Variants in CAMK4 observed in about 807,000 individuals in gnomAD.
CAMK4 encodes calcium/calmodulin-dependent protein kinase type IV.
A neutral mutation model predicts 44.9 loss-of-function variants in CAMK4; 22 were observed. That is an observed-to-expected ratio of 0.49 (90% CI 0.35 to 0.70). CAMK4 has a LOEUF of 0.70. Among genes scored for constraint, CAMK4 ranks in the 30% least tolerant of loss-of-function variants. The pLI, the probability that CAMK4 is intolerant of heterozygous loss-of-function variation, is 0.01. For synonymous variants in CAMK4, 218 were observed against 215.4 expected (o/e 1.01, Z -0.11); for missense variants, 498 against 586.8 (o/e 0.85, Z 1.56).
rs139804054 is a variant in CAMK4, at chr5:111,475,967, A to G, written c.702-2414A>G. On this transcript the variant is annotated intron_variant, in intron 8 of 10. Coordinates refer to ENST00000282356, the MANE Select transcript of CAMK4 (RefSeq NM_001744.6). ...AGTAACCAAATGAAGAATTAGAACT[A>G]AAGATCCATTTTGTTAATGCTTCCT... is the stretch of plus-strand genomic sequence containing the variant. Among the ~76,000 whole-genome samples, 7 of 152,340 alleles carry G rather than the reference A, an allele frequency of 4.6e-5. No homozygotes were observed. In the East Asian group the frequency reaches 1.3e-3, roughly 29 times the overall value.
chr5:111,387,633 A>C (rs769072601), intron 4 of CAMK4, among the ~76,000 whole-genome samples: 2 of 152,206 alleles, frequency 1.3e-5, no homozygotes, highest in African/African-American at 4.8e-5. Flanking sequence ...ATGATAGTGA[A>C]CATAGGCAAA....
intron 1 of CAMK4, among the ~76,000 whole-genome samples, chr5:111,242,273 AT>A (rs1749034433): frequency 6.6e-6 from 1 of 152,158 alleles, no homozygotes; most frequent in Non-Finnish European, 1.5e-5. Context: ...CAAGTCACTT[AT>A]CCTTTCTGAG....
chr5:111,240,878 T>C (rs1748958333), intron 1 of CAMK4, among the ~76,000 whole-genome samples: 1 of 152,224 alleles, frequency 6.6e-6, no homozygotes, highest in Non-Finnish European at 1.5e-5. Flanking sequence ...TAGATATTAA[T>C]AGAACCCCCA....
At chr5:111,389,759 T>C (rs141610552) in intron 4 of CAMK4, among the ~76,000 whole-genome samples, 1 of 152,346 alleles carries the variant, frequency 6.6e-6, no homozygotes, top group Non-Finnish European at 1.5e-5. Flanking sequence ...ATTTAACAGC[T>C]ATTCTTCTCC....
chr5:111,377,299 TA>T (rs1751250039), intron 4 of CAMK4, among the ~76,000 whole-genome samples: 2 of 152,082 alleles, frequency 1.3e-5, no homozygotes, highest in African/African-American at 4.8e-5. Flanking sequence ...TTGAAAATTA[TA>T]AAAAATTAAA....
chr5:111,228,846 C>G (rs1334359283), intron 1 of CAMK4, among the ~76,000 whole-genome samples: 1 of 152,124 alleles, frequency 6.6e-6, no homozygotes, highest in Non-Finnish European at 1.5e-5. Flanking sequence ...GAAAAAGGCT[C>G]CTATCTTTGC....
chr5:111,445,895 T>C (rs901413879), intron 5 of CAMK4, among the ~76,000 whole-genome samples: 4 of 152,160 alleles, frequency 2.6e-5, no homozygotes, highest in Non-Finnish European at 5.9e-5. Flanking sequence ...AACAAACTTT[T>C]TGGGAAAAAA....
intron 1 of CAMK4, among the ~76,000 whole-genome samples, chr5:111,309,619 G>C (rs1457432598): frequency 6.6e-6 from 1 of 151,988 alleles, no homozygotes; most frequent in Non-Finnish European, 1.5e-5. Flanking sequence ...TTTTTCTCTG[G>C]GTGAGCTGTG....
Position 111,482,277 on chromosome 5 carries a change from G to T in CAMK4, c.829-508G>T, listed in dbSNP as rs902412487. On this transcript the variant is annotated intron_variant, in intron 9 of 10. Transcript: ENST00000282356. The surrounding 1 kb of genome is among the most constrained non-coding windows in gnomAD (Gnocchi z 4.9). Reference sequence around the variant, plus strand: ...TTAGTCCTTCAAGTACCCTCAAGGGGTTAGAAAGAACTATAAACCCCAAGA... The same window carrying T: ...TTAGTCCTTCAAGTACCCTCAAGGGTTTAGAAAGAACTATAAACCCCAAGA... The T allele has an allele frequency of 6.6e-6, 1 of 152,172 alleles. No individual in the cohort carries two copies. The highest frequency in any genetic ancestry group is 1.5e-5 in the Non-Finnish European group (1 of 68,052). 9.4% of individuals were successfully genotyped at this position (152,172 alleles called of 1,614,324 possible).
intron 1 of CAMK4, among the ~76,000 whole-genome samples, chr5:111,279,959 TG>T (rs1307528923): frequency 1.3e-5 from 2 of 152,166 alleles, no homozygotes; most frequent in Non-Finnish European, 2.9e-5. Context: ...TTGAGGGACA[TG>T]GTCATTTGGA....
intron 5 of CAMK4, among the ~76,000 whole-genome samples, chr5:111,406,194 T>TTCTCTCTCTC (rs10524853): frequency 0.04 from 5,404 of 136,710 alleles, 217 homozygotes; most frequent in East Asian, 0.19. Flanking sequence ...CTAATTTATT[T>TTCTCTCTCTC]TCTCTCTCTC....
chr5:111,355,062 C>T (rs1476755878), intron 2 of CAMK4, among the ~76,000 whole-genome samples: 1 of 152,094 alleles, frequency 6.6e-6, no homozygotes, highest in African/African-American at 2.4e-5. Flanking sequence ...GAAGTACAGG[C>T]AGGGTCACCT....
intron 1 of CAMK4, among the ~76,000 whole-genome samples, chr5:111,235,586 G>T (rs116152239): frequency 8.5e-5 from 13 of 152,276 alleles, no homozygotes; most frequent in African/African-American, 3.1e-4. Context: ...AACTAAGAAC[G>T]TAATAAACAG....
chr5:111,389,278 C>A (rs577614018), intron 4 of CAMK4, among the ~76,000 whole-genome samples: 1 of 152,252 alleles, frequency 6.6e-6, no homozygotes, highest in Non-Finnish European at 1.5e-5. Flanking sequence ...ACAGAATCAC[C>A]TCCCAAAGGC....
chr5:111,480,377 C>T (rs1438072645), intron 9 of CAMK4, among the ~76,000 whole-genome samples: 1 of 151,844 alleles, frequency 6.6e-6, no homozygotes, highest in Admixed American at 6.6e-5. Context: ...TCCCTCCCAC[C>T]TATAGTTGGT....
chr5:111,327,838 C>T (rs1429894559), intron 1 of CAMK4, among the ~76,000 whole-genome samples: 3 of 148,758 alleles, frequency 2.0e-5, no homozygotes, highest in African/African-American at 7.5e-5. Context: ...TATCCTTCGC[C>T]CACTTTTTGA....
intron 5 of CAMK4, among the ~76,000 whole-genome samples, chr5:111,442,543 T>TAC (rs996343632): frequency 3.5e-3 from 345 of 99,434 alleles, no homozygotes; most frequent in Middle Eastern, 0.021. Flanking sequence ...TATATATATA[T>TAC]ACACACACAC....
chr5:111,365,421 A>G (rs1479197758), intron 2 of CAMK4, among the ~76,000 whole-genome samples: 1 of 152,118 alleles, frequency 6.6e-6, no homozygotes. Context: ...AGAATGTTGA[A>G]TGAACCATCC....
chr5:111,389,006 A>C (rs1437377377), intron 4 of CAMK4, among the ~76,000 whole-genome samples: 1 of 152,220 alleles, frequency 6.6e-6, no homozygotes, highest in African/African-American at 2.4e-5. Context: ...CACAGGCACT[A>C]TCTTAGACCT....
Sources: allele counts gnomAD v4.1 joint callset (sites outside exome capture counted in the v4.1 genomes callset), GRCh38; gene constraint gnomAD v4.1.1; non-coding constraint Gnocchi (gnomAD v3.1); transcripts MANE v1.5; gene names NCBI Gene and HGNC (gene_info 2026-07-23, HGNC 2026-07-21).